KCTD2: variants seen among roughly 807,000 people sequenced by gnomAD.
KCTD2 encodes BTB/POZ domain-containing protein KCTD2.
A neutral mutation model predicts 27.9 loss-of-function variants in KCTD2; 18 were observed. The ratio of observed to expected loss-of-function variants is 0.64; its 90% CI spans 0.45 to 0.96. KCTD2 has a LOEUF of 0.96. Ranked by LOEUF, KCTD2 falls within the 40% of genes least tolerant of loss-of-function variation. KCTD2 has a pLI of 0.00. For missense variants in KCTD2, 280 were observed against 348.0 expected (o/e 0.80, Z 1.56); for synonymous variants, 175 against 148.4 (o/e 1.18, Z -1.30).
intron 3 of KCTD2, among the ~76,000 whole-genome samples, chr17:75,054,789 G>A (rs890837852): frequency 4.7e-5 from 7 of 150,464 alleles, no homozygotes; most frequent in African/African-American, 1.2e-4. Flanking sequence ...CAGCCTGGGC[G>A]ACAGAGGGAG....
intron 3 of KCTD2, chr17:75,039,350 A>G: frequency 7.8e-7 from 1 of 1,277,326 alleles, no homozygotes; most frequent in South Asian, 1.2e-5. Context: ...GAGTCGTCCC[A>G]GCCCACTCCT....
At chr17:75,048,302 C>T (rs1220423407) in intron 1 of KCTD2, among the ~76,000 whole-genome samples, 1 of 152,130 alleles carries the variant, frequency 6.6e-6, no homozygotes, top group African/African-American at 2.4e-5. Flanking sequence ...ACACTTAAAC[C>T]ATTTCCAGTT....
In KCTD2 at chr17:75,065,815, T is replaced by G. The variant is rs191655202; in HGVS notation, c.*2768T>G. On this transcript the variant is annotated 3_prime_UTR_variant, in exon 6 of 6. Coordinates refer to ENST00000322444, the MANE Select transcript of KCTD2 (RefSeq NM_015353.3). ...CTGGTGGGCACCCTCTGTTCCTGTT[T>G]GTGTGTTTGAATAGTCTGAAATGCT... is the stretch of plus-strand genomic sequence containing the variant. 4 of 152,198 alleles carry G rather than the reference T, an allele frequency of 2.6e-5. No homozygotes were observed. Among genetic ancestry groups the G allele is most frequent in the African/African-American group, 9.7e-5 (4 of 41,426 alleles). 9.4% of individuals were successfully genotyped at this position (152,198 alleles called of 1,614,324 possible).
chr17:75,033,781 C>G (rs1000529733), intron 1 of KCTD2, among the ~76,000 whole-genome samples: 2 of 152,212 alleles, frequency 1.3e-5, no homozygotes, highest in East Asian at 1.9e-4. Context: ...TCTTCCCGCC[C>G]GCTCACCAAA....
intron 4 of KCTD2, chr17:75,060,404 A>T (rs969415274): frequency 1.3e-6 from 2 of 1,554,636 alleles, no homozygotes; most frequent in African/African-American, 1.4e-5. Flanking sequence ...GCCACTTATT[A>T]ACTGGTTCAC....
Position 75,053,043 on chromosome 17 carries a change from A to T in KCTD2, c.478A>T (p.Ile160Phe), listed in dbSNP as rs1472022051. The T allele has an allele frequency of 6.2e-7, 1 of 1,614,030 alleles. No individual in the cohort carries two copies. Among genetic ancestry groups the T allele is most frequent in the Non-Finnish European group, 8.5e-7 (1 of 1,180,002 alleles). Reference protein sequence around the residue: ...GVLEEAEFYNIASLVRLVKER... With the variant: ...GVLEEAEFYNFASLVRLVKER... ...GCTGGAGGAAGCGGAGTTTTACAAC[A>T]TCGCGTCCCTTGTGCGGCTGGTTAA... The change falls in exon 3 of 6, where the codon ATC becomes TTC. Residue 160 changes from isoleucine (I) to phenylalanine (F), a missense_variant. Physicochemically the swap from Ile to Phe is conservative, Grantham distance 21. Coordinates refer to ENST00000322444, the MANE Select transcript of KCTD2 (RefSeq NM_015353.3).
rs188042117 is a variant in KCTD2 at position 75,060,743 on chromosome 17, A to G, written c.636+1138A>G. 350 of 700,572 alleles carry G rather than the reference A, an allele frequency of 5.0e-4. 1 individual carries two copies. The African/African-American group carries it at 5.8e-3, about 12-fold the overall frequency. The allele number at this position is 700,572 out of a possible 1,614,324, so 43.4% of individuals were successfully genotyped here. On this transcript the variant is annotated intron_variant, in intron 4 of 5. Transcript: ENST00000322444. ...CCTGGGATCAACCGCCTGAGTAAAT[A>G]TGATTTTATACGGATTATGCCTACT...
intron 3 of KCTD2, chr17:75,039,075 G>A (rs1231109196): frequency 1.2e-6 from 2 of 1,613,838 alleles, no homozygotes; most frequent in Non-Finnish European, 1.7e-6. Flanking sequence ...TGGAAAGAGG[G>A]GGAATGTGTT....
intron 2 of KCTD2, among the ~76,000 whole-genome samples, chr17:75,051,277 CTTTT>C (rs35794705): frequency 0.026 from 1,703 of 64,454 alleles, 35 homozygotes; most frequent in African/African-American, 0.1. Flanking sequence ...CGCGCCCGAC[CTTTT>C]TTTTTTTTTT....
upstream of KCTD2, among the ~76,000 whole-genome samples, chr17:75,042,897 A>G (rs991341996): frequency 6.6e-6 from 1 of 151,998 alleles, no homozygotes; most frequent in African/African-American, 2.4e-5. Flanking sequence ...AAAGAAAAAA[A>G]GACAGTGTAG....
At chr17:75,056,642 G>T (rs577788994) in intron 3 of KCTD2, among the ~76,000 whole-genome samples, 1 of 152,282 alleles carries the variant, frequency 6.6e-6, no homozygotes, top group South Asian at 2.1e-4. Flanking sequence ...TCCTTTTTAT[G>T]TAGTGAAACT....
intron 3 of KCTD2, among the ~76,000 whole-genome samples, chr17:75,056,161 T>C (rs1042655339): frequency 1.3e-5 from 2 of 152,258 alleles, no homozygotes; most frequent in Non-Finnish European, 2.9e-5. Context: ...CTTATTCATT[T>C]AGTTTTCTTC....
At chr17:75,033,896 C>G (rs761152163) in intron 1 of KCTD2, 2 of 152,466 alleles carry the variant, frequency 1.3e-5, no homozygotes, top group South Asian at 2.1e-4. Context: ...GGCACGGCCA[C>G]GTGCCCCAAG....
upstream of KCTD2, among the ~76,000 whole-genome samples, chr17:75,046,569 G>A (rs1410822506): frequency 6.6e-6 from 1 of 152,232 alleles, no homozygotes; most frequent in East Asian, 1.9e-4. Flanking sequence ...CCCGCAGCCA[G>A]CTGAGCGTCC....
At chr17:75,061,809 C>T (rs970499677) in intron 4 of KCTD2, among the ~76,000 whole-genome samples, 1 of 152,088 alleles carries the variant, frequency 6.6e-6, no homozygotes. Context: ...CAGATGCGTT[C>T]TGTCTTCCCT....
intron 4 of KCTD2, 35 bp from the exon 5 acceptor site, chr17:75,062,085 C>T: frequency 6.2e-7 from 1 of 1,612,090 alleles, no homozygotes. Flanking sequence ...GTTAAGATTG[C>T]CACATGAATG....
intron 2 of KCTD2, among the ~76,000 whole-genome samples, chr17:75,051,420 G>T (rs1050172571): frequency 6.6e-6 from 1 of 151,222 alleles, no homozygotes; most frequent in African/African-American, 2.4e-5. Context: ...GAGTACCTGG[G>T]ATTACAGGTG....
At chr17:75,039,650 A>G (rs2073138113) in intron 3 of KCTD2, 1 of 282,050 alleles carries the variant, frequency 3.5e-6, no homozygotes, top group African/African-American at 2.2e-5. Context: ...GCTTTCAAGC[A>G]AATAATTAGG....
intron 3 of KCTD2, chr17:75,039,178 A>G (rs377649941): frequency 4.3e-6 from 7 of 1,613,624 alleles, no homozygotes; most frequent in Non-Finnish European, 5.9e-6. Context: ...GAGAACCCAT[A>G]TTATAGGCAA....
Sources: gnomAD v4.1 joint callset for allele counts (sites outside exome capture counted in the v4.1 genomes callset) on GRCh38, gnomAD v4.1.1 for gene constraint, MANE v1.5 for transcripts, NCBI Gene and HGNC (gene_info 2026-07-23, HGNC 2026-07-21) for gene names.